The following C12orf42 variants were observed in gnomAD, a reference collection of about 807,000 sequenced individuals.
C12orf42 encodes the protein uncharacterized protein C12orf42.
In C12orf42, 25 loss-of-function variants were observed where a neutral mutation model predicts 21.6. That is an observed-to-expected ratio of 1.16 (90% CI 0.84 to 1.62). C12orf42 has a LOEUF of 1.62. Ranked by LOEUF, C12orf42 falls within the 40% of genes most tolerant of loss-of-function variation. The pLI is 0.00. For synonymous variants in C12orf42, 174 were observed against 175.0 expected (o/e 0.99, Z 0.05); for missense variants, 483 against 459.3 (o/e 1.05, Z -0.47).
chr12:103,136,039 C>A, the C12orf42 span, among the ~76,000 whole-genome samples: 5 of 152,188 alleles, frequency 3.3e-5, no homozygotes, highest in African/African-American at 1.2e-4. Context: ...TATTAGAAGT[C>A]CTGGCCAGAG....
intron 10 of C12orf42, among the ~76,000 whole-genome samples, chr12:103,248,011 C>T (rs2136186941): frequency 6.6e-6 from 1 of 152,036 alleles, no homozygotes; most frequent in South Asian, 2.1e-4. Flanking sequence ...GTAATACACC[C>T]AAAGTCATGA....
the C12orf42 span, among the ~76,000 whole-genome samples, chr12:103,189,265 G>A: frequency 2.0e-5 from 3 of 152,196 alleles, no homozygotes; most frequent in Non-Finnish European, 4.4e-5. Flanking sequence ...CAGAGTGTCT[G>A]TAGAATAAAA....
chr12:103,274,948 T>C (rs544299322), intron 5 of C12orf42, among the ~76,000 whole-genome samples: 14 of 152,136 alleles, frequency 9.2e-5, no homozygotes, highest in African/African-American at 2.2e-4. Flanking sequence ...CTTGGTTCTA[T>C]CCACATTTGG....
At chr12:103,113,235 T>C in the C12orf42 span, among the ~76,000 whole-genome samples, 1 of 152,158 alleles carries the variant, frequency 6.6e-6, no homozygotes, top group East Asian at 1.9e-4. Context: ...TAAACTAAAG[T>C]CATACTGAGA....
chr12:103,546,923 T>C, the C12orf42 span, among the ~76,000 whole-genome samples: 2 of 152,172 alleles, frequency 1.3e-5, no homozygotes, highest in Non-Finnish European at 2.9e-5. Flanking sequence ...CCTTGCTAAG[T>C]TTCCTCCACT....
chr12:103,405,562 T>C (rs149824690), intron 2 of C12orf42, among the ~76,000 whole-genome samples: 89 of 152,218 alleles, frequency 5.8e-4, no homozygotes, highest in African/African-American at 1.9e-3. Flanking sequence ...ATCTGACAAA[T>C]ACCTTCACAA....
chr12:103,142,317 A>T, the C12orf42 span, among the ~76,000 whole-genome samples: 1 of 152,232 alleles, frequency 6.6e-6, no homozygotes, highest in Non-Finnish European at 1.5e-5. Flanking sequence ...TGAACAACAC[A>T]AATTCTTAAT....
chr12:103,415,744 G>A (rs567402560), intron 2 of C12orf42, among the ~76,000 whole-genome samples: 24 of 152,142 alleles, frequency 1.6e-4, no homozygotes, highest in Admixed American at 4.6e-4. Context: ...AGGAGTAAAT[G>A]TGCCAAAAAT....
chr12:103,259,920 G>A (rs1593229219), intron 10 of C12orf42, among the ~76,000 whole-genome samples: 1 of 152,148 alleles, frequency 6.6e-6, no homozygotes, highest in African/African-American at 2.4e-5. Context: ...GTTTAGAACA[G>A]TTAAATAACT....
At chr12:103,349,506 A>G (rs1053777677) in intron 4 of C12orf42, among the ~76,000 whole-genome samples, 1 of 152,178 alleles carries the variant, frequency 6.6e-6, no homozygotes, top group African/African-American at 2.4e-5. Flanking sequence ...TCAAACCAAA[A>G]GAGTTCACTG....
intron 1 of C12orf42, among the ~76,000 whole-genome samples, chr12:103,485,391 G>T (rs1954765815): frequency 6.6e-6 from 1 of 152,222 alleles, no homozygotes; most frequent in African/African-American, 2.4e-5. Flanking sequence ...AGTTTAGTTT[G>T]AAGTTAGGTA....
chr12:103,315,869 TA>T, intron 4 of C12orf42, among the ~76,000 whole-genome samples: 1 of 150,308 alleles, frequency 6.7e-6, no homozygotes, highest in Non-Finnish European at 1.5e-5. Context: ...TAAGTGGTTT[TA>T]CCACAAAAAA....
At chr12:103,172,223 A>C in the C12orf42 span, among the ~76,000 whole-genome samples, 498 of 152,160 alleles carry the variant, frequency 3.3e-3, 1 homozygote, top group African/African-American at 0.012. Context: ...GGAAAAACAG[A>C]ATAGGGTAAT....
the C12orf42 span, among the ~76,000 whole-genome samples, chr12:103,207,385 C>T: frequency 7.9e-5 from 12 of 152,208 alleles, no homozygotes; most frequent in African/African-American, 2.9e-4. Context: ...GATTCTCATG[C>T]AATATGCTTT....
intron 3 of C12orf42, among the ~76,000 whole-genome samples, chr12:103,382,796 T>A (rs1259799815): frequency 6.6e-6 from 1 of 152,332 alleles, no homozygotes; most frequent in Non-Finnish European, 1.5e-5. Flanking sequence ...ATTCTAGTTC[T>A]AGTCTTTCCC....
the C12orf42 span, among the ~76,000 whole-genome samples, chr12:103,543,908 T>C: frequency 1.3e-5 from 2 of 150,994 alleles, no homozygotes; most frequent in Non-Finnish European, 3.0e-5. Flanking sequence ...TTTTTGTTTT[T>C]TTTGAGATGG....
chr12:103,200,668 T>C, the C12orf42 span, among the ~76,000 whole-genome samples: 1 of 152,224 alleles, frequency 6.6e-6, no homozygotes, highest in Non-Finnish European at 1.5e-5. Flanking sequence ...CAGTAAACAT[T>C]CTCAATAACA....
chr12:103,119,372 A>G, the C12orf42 span, among the ~76,000 whole-genome samples: 1 of 152,232 alleles, frequency 6.6e-6, no homozygotes, highest in Non-Finnish European at 1.5e-5. Context: ...GCTGTTGATT[A>G]TCAGCTATCA....
At chr12:103,428,003 A>G (rs1363315072) in intron 2 of C12orf42, among the ~76,000 whole-genome samples, 3 of 152,204 alleles carry the variant, frequency 2.0e-5, no homozygotes, top group African/African-American at 7.2e-5. Context: ...ATAGCACTAA[A>G]TGTACACAGG....
Sources: allele counts gnomAD v4.1 joint callset (sites outside exome capture counted in the v4.1 genomes callset), GRCh38; gene constraint gnomAD v4.1.1; transcripts MANE v1.5; gene names NCBI Gene and HGNC (gene_info 2026-07-23, HGNC 2026-07-21).